PMF1: variants seen among roughly 807,000 people sequenced by gnomAD.
The protein encoded by PMF1 is polyamine modulated factor 1.
A neutral mutation model predicts 26.7 loss-of-function variants in PMF1; 21 were observed. The observed-to-expected ratio is 0.79, with a 90% CI of 0.56 to 1.13. The LOEUF (loss-of-function observed/expected upper bound fraction) is 1.13, where lower values mean the gene tolerates loss of function less well. Among genes scored for constraint, PMF1 ranks in the 50% most tolerant of loss-of-function variants. The pLI is 0.00. For missense variants in PMF1, 266 were observed against 254.9 expected (o/e 1.04, Z -0.30); for synonymous variants, 105 against 101.0 (o/e 1.04, Z -0.24).
chr1:156,236,589 TAGGAGAGCTTG>T, intron 4 of PMF1, 106 bp downstream of exon 4: 1 of 1,402,854 alleles, frequency 7.1e-7, no homozygotes, highest in Non-Finnish European at 9.5e-7. Context: ...CCACAGGGGG[TAGGAGAGCTTG>T]CCCCCTGGGG....
At position 156,233,699 on chromosome 1, in the gene PMF1, A is replaced by G; in HGVS notation, c.339A>G (p.Glu113=). Residue 113 remains glutamate (E), a synonymous_variant, in exon 3 of 5, where the codon GAA becomes GAG. Coordinates refer to ENST00000368277, the MANE Select transcript of PMF1 (RefSeq NM_007221.4). ...AVLNALDKIV[E]EGKVRKEPAW... ...TGAATGCCTTGGATAAAATTGTGGA[A>G]GAAGGCAAAGTCCGCAAAGAGCCAG... 6.2e-7 allele frequency: 1 copy of G among 1,614,018 alleles called. No homozygotes were observed. Among genetic ancestry groups the G allele is most frequent in the Non-Finnish European group, 8.5e-7 (1 of 1,179,942 alleles).
chr1:156,213,176 G>C lies in PMF1; in HGVS notation c.161G>C (p.Ser54Thr). 2 of 1,612,450 alleles carry C rather than the reference G, an allele frequency of 1.2e-6. No individual in the cohort carries two copies. The highest frequency in any genetic ancestry group is 8.5e-7 in the Non-Finnish European group (1 of 1,178,640). ...TFLQKLVAAG[S>T]YQRFTDCYKC... ...CTTCAGAAGCTGGTCGCCGCCGGCA[G>C]GTAAAGTGGACGCAGCCGCGGTGGG... Residue 54 changes from serine to threonine, a missense_variant and splice_region_variant, in exon 1 of 5, where the codon AGC (serine) becomes ACC (threonine). By Grantham distance (58) the Ser-to-Thr change is moderately conservative. Transcript: ENST00000368277.
intron 1 of PMF1, among the ~76,000 whole-genome samples, chr1:156,218,166 C>T (rs1657880369): frequency 6.6e-6 from 1 of 152,216 alleles, no homozygotes; most frequent in Non-Finnish European, 1.5e-5. Context: ...GCTTCCTCTT[C>T]TGAGAACTGC....
chr1:156,218,385 A>G (rs1197691264), intron 1 of PMF1, among the ~76,000 whole-genome samples: 1 of 152,220 alleles, frequency 6.6e-6, no homozygotes, highest in African/African-American at 2.4e-5. Flanking sequence ...AGGATGACAC[A>G]GAAGGGAAAT....
chr1:156,233,606 C>T, intron 2 of PMF1, 22 bp from the exon 3 acceptor site: 2 of 1,611,008 alleles, frequency 1.2e-6, no homozygotes, highest in Non-Finnish European at 1.7e-6. Flanking sequence ...GTCATTACAG[C>T]TCTTTCCTCC....
intron 4 of PMF1, among the ~76,000 whole-genome samples, chr1:156,238,191 A>G (rs1335360953): frequency 2.0e-5 from 3 of 152,216 alleles, no homozygotes; most frequent in Non-Finnish European, 2.9e-5. Context: ...GCCTTGTACA[A>G]TTTGAAGTCA....
At chr1:156,225,271 C>A (rs1446039874) in intron 1 of PMF1, among the ~76,000 whole-genome samples, 1 of 147,930 alleles carries the variant, frequency 6.8e-6, no homozygotes, top group Non-Finnish European at 1.5e-5. Context: ...TTCTGTCACT[C>A]CAGTCCTCAG....
intron 1 of PMF1, among the ~76,000 whole-genome samples, chr1:156,229,736 A>G (rs1658589692): frequency 6.6e-6 from 1 of 151,736 alleles, no homozygotes; most frequent in South Asian, 2.1e-4. Context: ...ACGCCCGGCT[A>G]ATTTTTTGTA....
chr1:156,236,723 A>G (rs1014338921), intron 4 of PMF1: 5 of 579,230 alleles, frequency 8.6e-6, no homozygotes, highest in Non-Finnish European at 1.5e-5. Context: ...CTGATGGAGC[A>G]GGTGAGGACC....
At chr1:156,237,838 C>T (rs1659122818) in intron 4 of PMF1, among the ~76,000 whole-genome samples, 1 of 152,142 alleles carries the variant, frequency 6.6e-6, no homozygotes, top group Non-Finnish European at 1.5e-5. Context: ...TTCACTGCAA[C>T]CTCCGCTTCC....
intron 1 of PMF1, among the ~76,000 whole-genome samples, chr1:156,215,932 G>A (rs896681632): frequency 2.0e-5 from 3 of 152,030 alleles, no homozygotes; most frequent in East Asian, 1.9e-4. Context: ...CAGGTGATCC[G>A]CCTGCCTCGG....
intron 1 of PMF1, among the ~76,000 whole-genome samples, chr1:156,218,980 G>A (rs1423996846): frequency 6.6e-6 from 1 of 150,970 alleles, no homozygotes; most frequent in African/African-American, 2.4e-5. Flanking sequence ...GAGTGCAGTG[G>A]CGTGATCTTG....
At chr1:156,237,104 T>C (rs1487116839) in intron 4 of PMF1, 2 of 153,070 alleles carry the variant, frequency 1.3e-5, no homozygotes, top group African/African-American at 2.4e-5. Flanking sequence ...GGTTTTGTTC[T>C]GAGATGGGGG....
chr1:156,232,231 C>T, intron 1 of PMF1, 89 bp from the exon 2 acceptor site: 1 of 1,115,994 alleles, frequency 9.0e-7, no homozygotes, highest in South Asian at 1.3e-5. Context: ...AGCTCAGAGT[C>T]CTGTAATGCG....
At chr1:156,228,288 T>TTTC (rs1371074585) in intron 1 of PMF1, among the ~76,000 whole-genome samples, 7 of 143,792 alleles carry the variant, frequency 4.9e-5, no homozygotes, top group Non-Finnish European at 9.1e-5. Context: ...TTTTTTTTTT[T>TTTC]AGTGTATCAC....
intron 1 of PMF1, among the ~76,000 whole-genome samples, chr1:156,217,737 A>C (rs546867467): frequency 3.7e-4 from 57 of 152,250 alleles, no homozygotes; most frequent in East Asian, 1.2e-3. Flanking sequence ...CAAAAAAAAA[A>C]AAAAAACAAA....
intron 1 of PMF1, among the ~76,000 whole-genome samples, chr1:156,227,866 A>G (rs1658456320): frequency 6.6e-6 from 1 of 151,714 alleles, no homozygotes; most frequent in South Asian, 2.1e-4. Flanking sequence ...CCTGGGCTCA[A>G]GTGATCCTCC....
Position 156,228,210 on chromosome 1 carries a change from C to T in PMF1, c.162-4110C>T, listed in dbSNP as rs1018966813. On this transcript the variant is annotated intron_variant, in intron 1 of 4. Transcript: ENST00000368277. ...ACCTCAGGTGATCTGCCCGCCTCGG[C>T]CTCCCAAAGTGCTGGGATTACAGGC... Among the ~76,000 whole-genome samples the T allele has an allele frequency of 2.7e-5, 4 of 149,590 alleles. No individual in the cohort carries two copies. In the East Asian group the frequency reaches 7.8e-4, roughly 29 times the overall value.
chr1:156,227,924 CCTGA>C (rs1411950656), intron 1 of PMF1, among the ~76,000 whole-genome samples: 2 of 149,132 alleles, frequency 1.3e-5, no homozygotes, highest in Admixed American at 6.8e-5. Context: ...AGCCACTGCA[CCTGA>C]CTATGATTTT....
Sources: gnomAD v4.1 joint callset for allele counts (sites outside exome capture counted in the v4.1 genomes callset) on GRCh38, gnomAD v4.1.1 for gene constraint, MANE v1.5 for transcripts, NCBI Gene and HGNC (gene_info 2026-07-23, HGNC 2026-07-21) for gene names.